The following TRPM3 variants were observed in gnomAD, a reference collection of about 807,000 sequenced individuals.
TRPM3 encodes the protein long transient receptor potential channel 3.
In TRPM3, 77 loss-of-function variants were observed where a neutral mutation model predicts 181.2. The observed-to-expected ratio is 0.42, with a 90% CI of 0.35 to 0.51. TRPM3 has a LOEUF of 0.51. Among genes scored for constraint, TRPM3 ranks in the 20% least tolerant of loss-of-function variants. The pLI is 0.01. For missense variants in TRPM3, 1,759 were observed against 2,196.7 expected, an observed-to-expected ratio of 0.80 and a Z score of 3.98; for synonymous variants, 745 against 796.4, an observed-to-expected ratio of 0.94 and a Z score of 1.09.
intron 1 of TRPM3, among the ~76,000 whole-genome samples, chr9:71,404,279 T>G (rs754629727): frequency 2.6e-5 from 4 of 152,226 alleles, no homozygotes; most frequent in Non-Finnish European, 4.4e-5. Flanking sequence ...ACATAAGAGA[T>G]ATAAATGATG....
intron 1 of TRPM3, among the ~76,000 whole-genome samples, chr9:71,141,592 A>G (rs985839664): frequency 4.6e-5 from 7 of 152,308 alleles, no homozygotes; most frequent in African/African-American, 1.7e-4. Context: ...ACACACCTGA[A>G]ATATTTTGAG....
chr9:71,338,858 C>T (rs551577701), intron 1 of TRPM3, among the ~76,000 whole-genome samples: 58 of 152,184 alleles, frequency 3.8e-4, no homozygotes, highest in African/African-American at 1.3e-3. Context: ...GCAAAGATGT[C>T]GAATATTCAC....
chr9:70,622,942 T>C (rs1044434895), intron 14 of TRPM3, among the ~76,000 whole-genome samples: 9 of 152,200 alleles, frequency 5.9e-5, no homozygotes, highest in Non-Finnish European at 1.3e-4. Flanking sequence ...TGGTATTTTT[T>C]TAAAAATTCT....
intron 8 of TRPM3, among the ~76,000 whole-genome samples, chr9:70,751,243 T>C (rs1411409327): frequency 1.3e-5 from 2 of 152,080 alleles, no homozygotes; most frequent in African/African-American, 4.8e-5. Flanking sequence ...AAATGTCCTA[T>C]ATTGGGAAAG....
At chr9:71,012,354 C>G (rs1168901822) in intron 1 of TRPM3, among the ~76,000 whole-genome samples, 1 of 150,078 alleles carries the variant, frequency 6.7e-6, no homozygotes, top group African/African-American at 2.4e-5. Context: ...TTCTTTGGTT[C>G]ACCTGTCTGT....
At chr9:70,675,158 T>C (rs115044937) in intron 9 of TRPM3, among the ~76,000 whole-genome samples, 1,777 of 152,260 alleles carry the variant, frequency 0.012, 38 homozygotes, top group African/African-American at 0.04. Context: ...TGGAGTGCAA[T>C]GGCATGATCT....
intron 1 of TRPM3, among the ~76,000 whole-genome samples, chr9:70,913,467 A>G (rs1011338818): frequency 2.1e-4 from 32 of 152,240 alleles, no homozygotes; most frequent in African/African-American, 7.5e-4. Flanking sequence ...GATATTAAAC[A>G]GAAAGGAAGG....
intron 1 of TRPM3, among the ~76,000 whole-genome samples, chr9:70,959,624 A>T (rs1346588824): frequency 2.6e-5 from 4 of 152,124 alleles, no homozygotes; most frequent in African/African-American, 9.7e-5. Context: ...TGTTAAAAGC[A>T]CAGCTGAATA....
intron 22 of TRPM3, among the ~76,000 whole-genome samples, chr9:70,575,109 A>T (rs1379464537): frequency 4.5e-5 from 6 of 134,346 alleles, no homozygotes; most frequent in East Asian, 2.2e-4. Flanking sequence ...ATCCCGCATA[A>T]TTTTTTTTTT....
At chr9:71,317,590 G>A (rs899537864) in intron 1 of TRPM3, among the ~76,000 whole-genome samples, 6 of 150,952 alleles carry the variant, frequency 4.0e-5, no homozygotes, top group South Asian at 2.1e-4. Flanking sequence ...GCAGTAAGCC[G>A]AGATTGGGCC....
At chr9:71,428,245 C>G (rs1054091416) in intron 1 of TRPM3, among the ~76,000 whole-genome samples, 1 of 151,142 alleles carries the variant, frequency 6.6e-6, no homozygotes, top group Non-Finnish European at 1.5e-5. Flanking sequence ...GCGCCCGCCA[C>G]CATGCCCGGC....
At chr9:70,578,550 C>T (rs1280076284) in intron 22 of TRPM3, among the ~76,000 whole-genome samples, 1 of 152,238 alleles carries the variant, frequency 6.6e-6, no homozygotes, top group Non-Finnish European at 1.5e-5. Context: ...ACTGTTCAGA[C>T]ACCCTAAGTG....
chr9:71,200,293 C>G (rs1241826546), intron 1 of TRPM3, among the ~76,000 whole-genome samples: 2 of 151,586 alleles, frequency 1.3e-5, no homozygotes, highest in Non-Finnish European at 2.9e-5. Context: ...TTATTTCCAA[C>G]TATGTGGTCA....
At chr9:71,049,751 T>G (rs2059858402) in intron 1 of TRPM3, among the ~76,000 whole-genome samples, 1 of 152,166 alleles carries the variant, frequency 6.6e-6, no homozygotes, top group Non-Finnish European at 1.5e-5. Context: ...GAGGAGGTAC[T>G]GAGGTGTAAT....
chr9:71,159,818 T>G (rs924208190), intron 1 of TRPM3, among the ~76,000 whole-genome samples: 1 of 152,150 alleles, frequency 6.6e-6, no homozygotes, highest in Non-Finnish European at 1.5e-5. Flanking sequence ...ATGTGGAGAT[T>G]ATGTTGACTC....
intron 7 of TRPM3, among the ~76,000 whole-genome samples, chr9:70,773,790 C>A (rs2080821622): frequency 6.6e-6 from 1 of 152,124 alleles, no homozygotes; most frequent in Admixed American, 6.6e-5. Context: ...CACTGTTGTG[C>A]CTTGCAGAGT....
intron 12 of TRPM3, among the ~76,000 whole-genome samples, chr9:70,631,218 A>G (rs2065784726): frequency 6.6e-6 from 1 of 152,128 alleles, no homozygotes; most frequent in Non-Finnish European, 1.5e-5. Context: ...AGAGGACATC[A>G]CCCCAATGTA....
intron 1 of TRPM3, among the ~76,000 whole-genome samples, chr9:71,113,684 C>G (rs1290662827): frequency 6.6e-6 from 1 of 152,148 alleles, no homozygotes; most frequent in African/African-American, 2.4e-5. Context: ...TCATTCAATG[C>G]TCTGTGAGCA....
intron 1 of TRPM3, among the ~76,000 whole-genome samples, chr9:71,236,134 T>C (rs554766911): frequency 1.3e-5 from 2 of 152,264 alleles, no homozygotes; most frequent in Admixed American, 6.5e-5. Flanking sequence ...ATACGTAAAT[T>C]AACTGTCTCC....
Sources: allele counts gnomAD v4.1 joint callset (sites outside exome capture counted in the v4.1 genomes callset), GRCh38; gene constraint gnomAD v4.1.1; transcripts MANE v1.5; gene names NCBI Gene and HGNC (gene_info 2026-07-23, HGNC 2026-07-21).